Variants in SRPK2 observed in about 807,000 individuals in gnomAD.
SRPK2 encodes the protein SFRS protein kinase 2.
Under a neutral mutation model 90.8 loss-of-function variants are expected in SRPK2, and 21 were observed. The observed-to-expected ratio is 0.23, with a 90% confidence interval of 0.16 to 0.33. SRPK2 has a LOEUF of 0.33. Among genes scored for constraint, SRPK2 ranks in the 10% least tolerant of loss-of-function variants. SRPK2 has a pLI of 1.00. For synonymous variants in SRPK2, 288 were observed against 311.1 expected, an observed-to-expected ratio of 0.93 and a Z score of 0.78; for missense variants, 620 against 869.0, an observed-to-expected ratio of 0.71 and a Z score of 3.60.
intron 2 of SRPK2, among the ~76,000 whole-genome samples, chr7:105,335,735 C>G (rs1402244824): frequency 6.6e-6 from 1 of 151,408 alleles, no homozygotes; most frequent in Non-Finnish European, 1.5e-5. Flanking sequence ...AGGCAAATCA[C>G]CTGAGGTCGG....
chr7:105,144,343 T>C (rs1804238842), intron 9 of SRPK2, among the ~76,000 whole-genome samples: 1 of 150,972 alleles, frequency 6.6e-6, no homozygotes, highest in Non-Finnish European at 1.5e-5. Flanking sequence ...TGGGCTCAAG[T>C]GATTCTACTG....
intron 2 of SRPK2, among the ~76,000 whole-genome samples, chr7:105,312,660 A>T (rs576286193): frequency 1.3e-5 from 2 of 152,206 alleles, no homozygotes; most frequent in African/African-American, 4.8e-5. Flanking sequence ...TCCTGAATCC[A>T]TAAGTCACTT....
At chr7:105,196,355 A>G (rs1794912371) in intron 3 of SRPK2, among the ~76,000 whole-genome samples, 1 of 152,250 alleles carries the variant, frequency 6.6e-6, no homozygotes, top group South Asian at 2.1e-4. Context: ...AAAGGAACAG[A>G]AAGTAAAGAC....
chr7:105,338,131 A>G (rs909973680), intron 2 of SRPK2, among the ~76,000 whole-genome samples: 45 of 152,140 alleles, frequency 3.0e-4, no homozygotes, highest in African/African-American at 1.1e-3. Context: ...AAACCCTGAA[A>G]ATAAAATGTT....
intron 2 of SRPK2, among the ~76,000 whole-genome samples, chr7:105,384,953 T>G (rs1821367255): frequency 6.6e-6 from 1 of 151,388 alleles, no homozygotes; most frequent in Non-Finnish European, 1.5e-5. Flanking sequence ...CTCGGCTCAC[T>G]GCAAGCTCCG....
chr7:105,288,759 T>A (rs1361416930), intron 2 of SRPK2, among the ~76,000 whole-genome samples: 1 of 152,048 alleles, frequency 6.6e-6, no homozygotes, highest in African/African-American at 2.4e-5. Context: ...AAACTCCAAG[T>A]CTATAAGTAG....
intron 2 of SRPK2, chr7:105,244,579 C>A: frequency 1.6e-6 from 1 of 619,848 alleles, no homozygotes; most frequent in Non-Finnish European, 2.9e-6. Flanking sequence ...GTCTCAACAA[C>A]AATAAAAAAA....
chr7:105,261,274 CA>C (rs1804240985), intron 2 of SRPK2, among the ~76,000 whole-genome samples: 1 of 152,138 alleles, frequency 6.6e-6, no homozygotes, highest in Non-Finnish European at 1.5e-5. Context: ...GTAATCCCGG[CA>C]CTTTGGGAGG....
intron 2 of SRPK2, among the ~76,000 whole-genome samples, chr7:105,324,488 A>C (rs1005049694): frequency 6.6e-6 from 1 of 152,178 alleles, no homozygotes; most frequent in Admixed American, 6.6e-5. Flanking sequence ...ACCAGGCCAG[A>C]CTATTCTTAA....
At position 105,169,220 on chromosome 7, in the gene SRPK2, T is replaced by C; in HGVS notation, c.275A>G (p.Tyr92Cys). The change falls in exon 4 of 16, where the codon TAT (tyrosine) becomes TGT (cysteine). Residue 92 changes from tyrosine to cysteine, a missense_variant. Coordinates refer to ENST00000393651, the MANE Select transcript of SRPK2 (RefSeq NM_182692.3). Reference protein sequence around the residue: ...VKIGDLFNGRYHVIRKLGWGH... With the variant: ...VKIGDLFNGRCHVIRKLGWGH... ...CCATCCAAGCTTTCTAATAACATGA[T>C]ACCGGCCATTGAAGAGGTCTCCAAT... The C allele has an allele frequency of 6.2e-7, 1 of 1,613,974 alleles. No homozygotes were observed. Among genetic ancestry groups the C allele is most frequent in the Non-Finnish European group, 8.5e-7 (1 of 1,179,952 alleles).
At chr7:105,355,350 T>C (rs572540966) in intron 2 of SRPK2, among the ~76,000 whole-genome samples, 2 of 147,582 alleles carry the variant, frequency 1.4e-5, no homozygotes, top group East Asian at 3.9e-4. Context: ...AAAAAATTTT[T>C]TTTTCATTAG....
chr7:105,219,870 T>C (rs1797890133), intron 2 of SRPK2, among the ~76,000 whole-genome samples: 1 of 152,234 alleles, frequency 6.6e-6, no homozygotes, highest in African/African-American at 2.4e-5. Context: ...AAATTCTGTT[T>C]ATTTAGTGGA....
intron 9 of SRPK2, chr7:105,143,583 A>C: frequency 2.1e-6 from 1 of 475,040 alleles, no homozygotes; most frequent in South Asian, 2.9e-5. Flanking sequence ...AAATCCAGTA[A>C]GTCTTCACCA....
chr7:105,271,068 C>A (rs1805769874), intron 2 of SRPK2, among the ~76,000 whole-genome samples: 1 of 152,216 alleles, frequency 6.6e-6, no homozygotes, highest in African/African-American at 2.4e-5. Context: ...TAATCTGTAT[C>A]TCAGCCTCCC....
chr7:105,204,036 G>A (rs532162416), intron 2 of SRPK2, among the ~76,000 whole-genome samples: 243 of 151,534 alleles, frequency 1.6e-3, no homozygotes, highest in Middle Eastern at 6.8e-3. Context: ...TTCACTTAGC[G>A]CTTCAAGAAC....
At chr7:105,316,329 T>C (rs1812308344) in intron 2 of SRPK2, among the ~76,000 whole-genome samples, 3 of 152,182 alleles carry the variant, frequency 2.0e-5, no homozygotes, top group African/African-American at 7.2e-5. Context: ...TTACTGTGCA[T>C]TAAGGCCTAG....
chr7:105,319,080 T>C (rs1051572958), intron 2 of SRPK2, among the ~76,000 whole-genome samples: 2 of 152,224 alleles, frequency 1.3e-5, no homozygotes, highest in African/African-American at 2.4e-5. Context: ...TTAAATCTGT[T>C]GCATCTTTTA....
At position 105,160,559 on chromosome 7, in the gene SRPK2, T is replaced by C; in HGVS notation, c.569A>G (p.Lys190Arg). The change falls in exon 7 of 16, where the codon AAA becomes AGA. Residue 190 changes from lysine (K) to arginine (R), a missense_variant. Physicochemically the swap from Lys to Arg is conservative, Grantham distance 26. Transcript: ENST00000393651. ...LGHHLLKWII[K>R]SNYQGLPVRC... is the part of the protein sequence containing the mutation. ...TACTGGGAGGCCTTGATAGTTGGAT[T>C]TGATGATCCACTTGAGGAGATGGTG... 1.2e-6 allele frequency: 2 copies of C among 1,613,914 alleles called. No homozygotes were observed. Among genetic ancestry groups the C allele is most frequent in the Non-Finnish European group, 1.7e-6 (2 of 1,179,814 alleles).
At chr7:105,251,364 A>G (rs2129631194) in intron 2 of SRPK2, among the ~76,000 whole-genome samples, 1 of 152,226 alleles carries the variant, frequency 6.6e-6, no homozygotes, top group Non-Finnish European at 1.5e-5. Context: ...GAAAGGAGGC[A>G]AGCTTTTTTC....
Sources: gnomAD v4.1 joint callset for allele counts (sites outside exome capture counted in the v4.1 genomes callset) on GRCh38, gnomAD v4.1.1 for gene constraint, MANE v1.5 for transcripts, NCBI Gene and HGNC (gene_info 2026-07-23, HGNC 2026-07-21) for gene names.